DCAF6: variants seen among roughly 807,000 people sequenced by gnomAD.
The protein encoded by DCAF6 is DDB1- and CUL4-associated factor 6.
In DCAF6, 54 loss-of-function variants were observed where a neutral mutation model predicts 125.1. That is an observed-to-expected ratio of 0.43 (90% CI 0.35 to 0.54). The LOEUF (loss-of-function observed/expected upper bound fraction) is 0.54. Among genes scored for constraint, DCAF6 ranks in the 20% least tolerant of loss-of-function variants. DCAF6 has a pLI of 0.01. For synonymous variants in DCAF6, 371 were observed against 390.4 expected (o/e 0.95, Z 0.58); for missense variants, 934 against 1,161.7 (o/e 0.80, Z 2.85).
intron 13 of DCAF6, among the ~76,000 whole-genome samples, chr1:168,041,894 G>GCA (rs869267755): frequency 2.4e-4 from 13 of 54,442 alleles, no homozygotes; most frequent in African/African-American, 1.0e-3. Flanking sequence ...TGTTTGTCGC[G>GCA]CACACACACA....
At chr1:167,964,270 GAA>G (rs1187553231) in intron 2 of DCAF6, among the ~76,000 whole-genome samples, 2 of 152,156 alleles carry the variant, frequency 1.3e-5, no homozygotes, top group African/African-American at 4.8e-5. Context: ...ATTTATCTGA[GAA>G]AAGTTTTATT....
the DCAF6 span, among the ~76,000 whole-genome samples, chr1:167,874,062 T>G: frequency 2.0e-5 from 3 of 152,340 alleles, no homozygotes; most frequent in South Asian, 6.2e-4. Context: ...CTGGGCACAG[T>G]GGCTCACGCC....
At chr1:167,939,240 A>C (rs1671855942) in intron 1 of DCAF6, among the ~76,000 whole-genome samples, 1 of 152,090 alleles carries the variant, frequency 6.6e-6, no homozygotes, top group Admixed American at 6.5e-5. Flanking sequence ...TGAATTAGTG[A>C]TGGTTTTTTT....
At chr1:167,918,241 T>C in the DCAF6 span, 7 of 1,155,684 alleles carry the variant, frequency 6.1e-6, no homozygotes, top group Non-Finnish European at 8.7e-6. Flanking sequence ...ACAGTTAGCT[T>C]TGCTTTATCA....
intron 1 of DCAF6, among the ~76,000 whole-genome samples, chr1:167,951,597 T>C (rs1488006376): frequency 6.6e-6 from 1 of 151,826 alleles, no homozygotes; most frequent in Admixed American, 6.6e-5. Flanking sequence ...AACAAAAAAC[T>C]GCGTGAGGTA....
intron 3 of DCAF6, 40 bp from the exon 4 acceptor site, chr1:167,974,790 A>G: frequency 7.1e-7 from 1 of 1,416,860 alleles, no homozygotes; most frequent in Non-Finnish European, 9.3e-7. Context: ...TTTCTAGGAA[A>G]TAATAAGTTA....
At position 168,003,915 on chromosome 1, in the gene DCAF6, T is replaced by C. The variant is rs1368582468; in HGVS notation, c.1043T>C (p.Met348Thr). ...NVSLMQRMSD[M>T]LSRWFEEASE... ...TCATTGATGCAGAGAATGTCTGATA[T>C]GTTATCAAGATGGTTTGAAGAAGCA... The change falls in exon 9 of 22, where the codon ATG becomes ACG. Residue 348 changes from methionine (M) to threonine (T), a missense_variant. Around this residue, in one of 5 missense-constraint regions of DCAF6, gnomAD observed 559 missense variants for 635.5 expected, o/e 0.88. Coordinates refer to ENST00000367840, the MANE Select transcript of DCAF6 (RefSeq NM_001198956.2). 7 of 1,611,828 alleles carry C rather than the reference T, an allele frequency of 4.3e-6. No homozygotes were observed. Among genetic ancestry groups the C allele is most frequent in the Non-Finnish European group, 5.9e-6 (7 of 1,179,228 alleles).
At chr1:168,035,379 T>C (rs1687668033) in intron 12 of DCAF6, among the ~76,000 whole-genome samples, 1 of 152,042 alleles carries the variant, frequency 6.6e-6, no homozygotes, top group African/African-American at 2.4e-5. Context: ...CCTGGGAAAT[T>C]GAGGATGCAG....
chr1:167,901,695 A>G, the DCAF6 span: 2 of 1,613,848 alleles, frequency 1.2e-6, no homozygotes, highest in African/African-American at 1.3e-5. Flanking sequence ...CCTTCTTCCC[A>G]CTCCTGGGTC....
chr1:167,896,763 G>A, the DCAF6 span: 5 of 1,078,500 alleles, frequency 4.6e-6, no homozygotes, highest in Non-Finnish European at 7.2e-6. Flanking sequence ...TAATTTCTTA[G>A]CAGAAAGAGA....
rs147093322 is a variant in DCAF6 at position 168,043,432 on chromosome 1, C to CTA, written c.1843+292_1843+293insTA. Among the ~76,000 whole-genome samples, 237 of 152,072 alleles carry CTA rather than the reference C, an allele frequency of 1.6e-3. 1 individual carries two copies. Among genetic ancestry groups the CTA allele is most frequent in the Non-Finnish European group, 2.9e-3 (195 of 67,954 alleles). ...AATGTTAGTTTGAATTAGTCTTTATCATTTTTATACCTAGCAATGAAATCC... is the reference window on the plus strand; with the variant it reads ...AATGTTAGTTTGAATTAGTCTTTATCTAATTTTTATACCTAGCAATGAAATCC... On this transcript the variant is annotated intron_variant, in intron 14 of 21. Coordinates refer to ENST00000367840, the MANE Select transcript of DCAF6 (RefSeq NM_001198956.2).
intron 21 of DCAF6, among the ~76,000 whole-genome samples, chr1:168,068,817 A>G (rs79003547): frequency 0.03 from 4,544 of 152,256 alleles, 195 homozygotes; most frequent in African/African-American, 0.099. Context: ...GTGACATGCT[A>G]AGAAATGAAA....
chr1:167,976,532 C>T (rs1324604316), intron 4 of DCAF6, among the ~76,000 whole-genome samples: 5 of 152,082 alleles, frequency 3.3e-5, no homozygotes, highest in African/African-American at 1.2e-4. Flanking sequence ...TACTTTTTGT[C>T]CATTGTGTTT....
chr1:168,041,291 T>G (rs1489888961), intron 13 of DCAF6, among the ~76,000 whole-genome samples: 2 of 152,074 alleles, frequency 1.3e-5, no homozygotes, highest in Non-Finnish European at 1.5e-5. Context: ...TATTGCGTTA[T>G]TAGAGCTATT....
chr1:167,901,864 A>G, the DCAF6 span: 23 of 1,613,496 alleles, frequency 1.4e-5, 1 homozygote, highest in Admixed American at 3.0e-4. Flanking sequence ...TCTATTTTGT[A>G]TGAGATCTGT....
At chr1:167,897,504 A>T in the DCAF6 span, among the ~76,000 whole-genome samples, 24,697 of 94,490 alleles carry the variant, frequency 0.26, 4,014 homozygotes, top group Middle Eastern at 0.39. Flanking sequence ...CTCAAAAAAA[A>T]ATATATATAT....
intron 2 of DCAF6, among the ~76,000 whole-genome samples, chr1:167,953,510 A>C (rs926324397): frequency 6.6e-6 from 1 of 152,238 alleles, no homozygotes; most frequent in African/African-American, 2.4e-5. Flanking sequence ...TTATTTTTTA[A>C]ATTTACTATC....
chr1:168,061,632 CTG>C (rs1318073893), intron 17 of DCAF6, among the ~76,000 whole-genome samples: 1 of 152,070 alleles, frequency 6.6e-6, no homozygotes, highest in African/African-American at 2.4e-5. Flanking sequence ...TATTTCCAAT[CTG>C]TCTCAATTAC....
intron 10 of DCAF6, among the ~76,000 whole-genome samples, chr1:168,014,434 T>C (rs1684688774): frequency 6.6e-6 from 1 of 152,216 alleles, no homozygotes; most frequent in East Asian, 1.9e-4. Flanking sequence ...TCTTAAACAT[T>C]TGACTGCCTC....
Sources: gnomAD v4.1 joint callset for allele counts (sites outside exome capture counted in the v4.1 genomes callset) on GRCh38, gnomAD v4.1.1 for gene constraint, gnomAD v4.1.1 regional missense constraint, MANE v1.5 for transcripts, NCBI Gene and HGNC (gene_info 2026-07-23, HGNC 2026-07-21) for gene names.